The following SH3KBP1 variants were observed in gnomAD, a reference collection of about 807,000 sequenced individuals.
The protein encoded by SH3KBP1 is SH3 domain containing kinase binding protein 1.
A neutral mutation model predicts 50.1 loss-of-function variants in SH3KBP1; 8 were observed. That is an observed-to-expected ratio of 0.16 (90% CI 0.09 to 0.29). The LOEUF is 0.29. Among genes scored for constraint, SH3KBP1 ranks in the 10% least tolerant of loss-of-function variants. The pLI is 1.00. For synonymous variants in SH3KBP1, 227 were observed against 218.6 expected (o/e 1.04, Z -0.34); for missense variants, 377 against 535.2 (o/e 0.70, Z 2.92).
At chrX:19,577,118 A>C (rs1395982796) in intron 12 of SH3KBP1, among the ~76,000 whole-genome samples, 1 of 112,430 alleles carries the variant, frequency 8.9e-6, no homozygotes, top group Non-Finnish European at 1.9e-5. Context: ...CTTCATGTTA[A>C]ATGCTGGCTC....
intron 3 of SH3KBP1, among the ~76,000 whole-genome samples, chrX:19,733,094 G>A (rs1165381408): frequency 9.0e-6 from 1 of 111,549 alleles, no homozygotes; most frequent in Non-Finnish European, 1.9e-5. Flanking sequence ...AGAGGTGGGG[G>A]AGAAAAGGTT....
At chrX:19,718,725 G>T (rs1384753053) in intron 3 of SH3KBP1, among the ~76,000 whole-genome samples, 1 of 111,868 alleles carries the variant, frequency 8.9e-6, no homozygotes, top group Non-Finnish European at 1.9e-5. Flanking sequence ...GGGGCTGAAT[G>T]ACAAGGGGCC....
chrX:19,582,276 C>T (rs1261979126), intron 12 of SH3KBP1, among the ~76,000 whole-genome samples: 1 of 111,975 alleles, frequency 8.9e-6, no homozygotes, highest in African/African-American at 3.2e-5. Flanking sequence ...AGGCTCACAC[C>T]ACCTGCTACC....
At chrX:19,825,704 T>C (rs1329481600) in intron 2 of SH3KBP1, among the ~76,000 whole-genome samples, 1 of 111,293 alleles carries the variant, frequency 9.0e-6, no homozygotes, top group Admixed American at 9.5e-5. Flanking sequence ...CAAAACCCTA[T>C]CTCTACTAAA....
intron 2 of SH3KBP1, among the ~76,000 whole-genome samples, chrX:19,811,576 G>A (rs1038120010): frequency 1.8e-5 from 2 of 112,289 alleles, no homozygotes; most frequent in African/African-American, 6.5e-5. Flanking sequence ...TTCCAATTAT[G>A]TTGTAGTATA....
chrX:19,833,972 G>C, intron 2 of SH3KBP1, among the ~76,000 whole-genome samples: 1 of 111,266 alleles, frequency 9.0e-6, no homozygotes, highest in African/African-American at 3.3e-5. Context: ...GGGAGCGAGC[G>C]GCTGGATTCA....
chrX:19,808,943 A>G (rs1036326276), intron 2 of SH3KBP1, among the ~76,000 whole-genome samples: 2 of 112,056 alleles, frequency 1.8e-5, no homozygotes, highest in Non-Finnish European at 3.8e-5. Flanking sequence ...AGAAGTAAGT[A>G]TGACAAAATG....
At chrX:19,812,221 TAGAC>T (rs2067225414) in intron 2 of SH3KBP1, among the ~76,000 whole-genome samples, 2 of 111,357 alleles carry the variant, frequency 1.8e-5, no homozygotes, top group African/African-American at 6.6e-5. Flanking sequence ...ACGAGCAAAA[TAGAC>T]AGCTAAGAGC....
chrX:19,614,997 A>T (rs1278338943), intron 8 of SH3KBP1, among the ~76,000 whole-genome samples: 1 of 112,156 alleles, frequency 8.9e-6, no homozygotes, highest in Non-Finnish European at 1.9e-5. Flanking sequence ...TCCACTTTCA[A>T]ACATCAGAAG....
At chrX:19,685,217 C>T (rs2063138118) in intron 5 of SH3KBP1, among the ~76,000 whole-genome samples, 2 of 111,989 alleles carry the variant, frequency 1.8e-5, no homozygotes, top group Non-Finnish European at 3.8e-5. Context: ...GCCTCCTAGT[C>T]CATAAGAATG....
At chrX:19,800,635 C>G (rs2066864154) in intron 2 of SH3KBP1, among the ~76,000 whole-genome samples, 1 of 112,464 alleles carries the variant, frequency 8.9e-6, no homozygotes, top group Non-Finnish European at 1.9e-5. Context: ...CACTATAAAA[C>G]TGTTCAAAGG....
intron 2 of SH3KBP1, among the ~76,000 whole-genome samples, chrX:19,798,995 C>A (rs185145528): frequency 6.6e-4 from 74 of 111,991 alleles, no homozygotes; most frequent in Middle Eastern, 4.6e-3. Context: ...GAGTGGGGAA[C>A]TGAACCTCTC....
At chrX:19,719,617 A>G (rs1239064734) in intron 3 of SH3KBP1, among the ~76,000 whole-genome samples, 1 of 110,928 alleles carries the variant, frequency 9.0e-6, no homozygotes, top group African/African-American at 3.3e-5. Context: ...ACTATATCTT[A>G]TAAAAATGAT....
chrX:19,712,825 A>G (rs1000559450), intron 3 of SH3KBP1, among the ~76,000 whole-genome samples: 1 of 111,910 alleles, frequency 8.9e-6, no homozygotes, highest in Non-Finnish European at 1.9e-5. Context: ...CGTCACCTAT[A>G]GAATACTTCT....
At chrX:19,777,856 T>C (rs1325248803) in intron 2 of SH3KBP1, among the ~76,000 whole-genome samples, 1 of 111,171 alleles carries the variant, frequency 9.0e-6, no homozygotes, top group Non-Finnish European at 1.9e-5. Context: ...CTAGAAGGCA[T>C]GGGGTGGGGT....
At chrX:19,809,078 T>C (rs1244708006) in intron 2 of SH3KBP1, among the ~76,000 whole-genome samples, 1 of 111,234 alleles carries the variant, frequency 9.0e-6, no homozygotes, top group Non-Finnish European at 1.9e-5. Flanking sequence ...TAGAAAAGAG[T>C]ACTATAATAT....
chrX:19,644,780 T>C (rs777778518), intron 7 of SH3KBP1, among the ~76,000 whole-genome samples: 1 of 112,377 alleles, frequency 8.9e-6, no homozygotes, highest in Non-Finnish European at 1.9e-5. Flanking sequence ...TTTTTCCTTT[T>C]TTTTTAAACA....
intron 1 of SH3KBP1, among the ~76,000 whole-genome samples, chrX:19,875,525 C>G (rs993014892): frequency 8.9e-6 from 1 of 112,212 alleles, no homozygotes; most frequent in Non-Finnish European, 1.9e-5. Context: ...GTGCCTGGCC[C>G]GAGGGCAGCC....
chrX:19,698,615 T>C (rs1318821587), intron 4 of SH3KBP1, among the ~76,000 whole-genome samples: 1 of 112,124 alleles, frequency 8.9e-6, no homozygotes, highest in African/African-American at 3.2e-5. Context: ...CTCATTTTTC[T>C]GTGAGCTGGA....
Sources: gnomAD v4.1 joint callset for allele counts (sites outside exome capture counted in the v4.1 genomes callset) on GRCh38, gnomAD v4.1.1 for gene constraint, MANE v1.5 for transcripts, NCBI Gene and HGNC (gene_info 2026-07-23, HGNC 2026-07-21) for gene names.